The following CADM1 variants were observed in gnomAD, a reference collection of about 807,000 sequenced individuals.
CADM1 encodes cell adhesion molecule 1, also known as TSLC-1.
A neutral mutation model predicts 53.1 loss-of-function variants in CADM1; 15 were observed. The observed-to-expected ratio is 0.28, with a 90% CI of 0.19 to 0.44. The LOEUF (loss-of-function observed/expected upper bound fraction) is 0.44. Ranked by LOEUF, CADM1 falls within the 20% of genes least tolerant of loss-of-function variation. CADM1 has a pLI of 1.00. For synonymous variants in CADM1, 281 were observed against 243.0 expected (o/e 1.16, Z -1.45); for missense variants, 434 against 611.3 (o/e 0.71, Z 3.06).
intron 1 of CADM1, among the ~76,000 whole-genome samples, chr11:115,290,303 A>T (rs1023198213): frequency 3.9e-5 from 6 of 152,194 alleles, no homozygotes; most frequent in East Asian, 1.9e-4. Context: ...AGTTTTTTTT[A>T]AAAGCAGGGT....
At chr11:115,247,314 T>G (rs1942439649) in intron 1 of CADM1, among the ~76,000 whole-genome samples, 1 of 152,230 alleles carries the variant, frequency 6.6e-6, no homozygotes, top group Non-Finnish European at 1.5e-5. Flanking sequence ...ATTTTCCCAT[T>G]CATCCTAACA....
intron 1 of CADM1, among the ~76,000 whole-genome samples, chr11:115,255,074 G>A (rs750352769): frequency 4.6e-5 from 7 of 152,118 alleles, no homozygotes; most frequent in African/African-American, 1.4e-4. Flanking sequence ...GCAGAACTCA[G>A]GAGAAGGAAA....
chr11:115,362,227 TGC>T (rs1169928202), intron 1 of CADM1, among the ~76,000 whole-genome samples: 5 of 152,178 alleles, frequency 3.3e-5, no homozygotes, highest in Non-Finnish European at 5.9e-5. Flanking sequence ...GAGGCAGAAT[TGC>T]CTAAGAAGCA....
intron 1 of CADM1, among the ~76,000 whole-genome samples, chr11:115,302,070 C>T (rs533298572): frequency 6.6e-5 from 10 of 152,016 alleles, no homozygotes; most frequent in East Asian, 1.9e-4. Context: ...CACATTACCA[C>T]GGTGCCTAGT....
At chr11:115,254,823 A>G (rs1418907739) in intron 1 of CADM1, among the ~76,000 whole-genome samples, 4 of 152,232 alleles carry the variant, frequency 2.6e-5, no homozygotes, top group African/African-American at 9.6e-5. Flanking sequence ...AGGTCCAGAT[A>G]TTGAATGACA....
intron 1 of CADM1, among the ~76,000 whole-genome samples, chr11:115,432,036 T>C (rs1390286645): frequency 1.3e-5 from 2 of 151,956 alleles, no homozygotes; most frequent in African/African-American, 4.8e-5. Context: ...CCTCTGCCCC[T>C]CCTGAGTTTA....
intron 1 of CADM1, among the ~76,000 whole-genome samples, chr11:115,466,568 T>C (rs1019175063): frequency 1.3e-5 from 2 of 152,224 alleles, no homozygotes; most frequent in Non-Finnish European, 2.9e-5. Context: ...GACTTTCAAA[T>C]GTTTAGCACG....
intron 1 of CADM1, among the ~76,000 whole-genome samples, chr11:115,307,517 A>AAATATATAT (rs10673324): frequency 1.5e-4 from 21 of 144,256 alleles, no homozygotes; most frequent in Non-Finnish European, 2.9e-4. Flanking sequence ...GGAAAAAAAA[A>AAATATATAT]ATATATATAT....
intron 9 of CADM1, 77 bp downstream of exon 9, chr11:115,198,329 A>G (rs1738671402): frequency 9.3e-7 from 1 of 1,073,064 alleles, no homozygotes. Context: ...CTTGAAGACT[A>G]CATTTCTCTT....
Position 115,467,188 on chromosome 11 carries a change from T to C in CADM1, c.124+37083A>G, listed in dbSNP as rs930628290. Among the ~76,000 whole-genome samples the C allele has an allele frequency of 2.0e-5, 3 of 152,210 alleles. No homozygotes were observed. In the South Asian group the frequency reaches 6.2e-4, roughly 31 times the overall value. On this transcript the variant is annotated intron_variant, in intron 1 of 11. Coordinates refer to ENST00000331581, the MANE Select transcript of CADM1 (RefSeq NM_001301043.2). ...CATGATATGCACAAGACGTCTGTAGTGGAGGAGCAGTATTCTTCAACAATG... is the reference window on the plus strand; with the variant it reads ...CATGATATGCACAAGACGTCTGTAGCGGAGGAGCAGTATTCTTCAACAATG...
At chr11:115,344,832 C>T (rs1945536151) in intron 1 of CADM1, among the ~76,000 whole-genome samples, 1 of 152,186 alleles carries the variant, frequency 6.6e-6, no homozygotes, top group South Asian at 2.1e-4. Flanking sequence ...GGTCTCTCTC[C>T]TGCTCAGTCA....
chr11:115,434,161 C>T (rs1948124680), intron 1 of CADM1, among the ~76,000 whole-genome samples: 1 of 152,106 alleles, frequency 6.6e-6, no homozygotes, highest in African/African-American at 2.4e-5. Context: ...TATGACTTGC[C>T]ACATTTTTAA....
chr11:115,251,000 C>T lies in CADM1; in HGVS notation c.125-10580G>A, dbSNP rs564513790. 7.9e-5 allele frequency among the ~76,000 whole-genome samples: 12 copies of T among 152,302 alleles called. No homozygotes were observed. The South Asian group carries it at 2.5e-3, about 32-fold the overall frequency. On this transcript the variant is annotated intron_variant, in intron 1 of 11. Transcript: ENST00000331581. The stretch of plus-strand genomic sequence containing the variant: ...AATTTATAGTATCTCATTTTTATAA[C>T]TCAGGAACAAAACTAAAGTAACATT...
chr11:115,475,468 C>T (rs1949110687), intron 1 of CADM1, among the ~76,000 whole-genome samples: 2 of 152,112 alleles, frequency 1.3e-5, no homozygotes, highest in East Asian at 1.9e-4. Flanking sequence ...AAAACCTGCA[C>T]CCAGATACAT....
chr11:115,338,274 T>C (rs892849172), intron 1 of CADM1, among the ~76,000 whole-genome samples: 1 of 152,192 alleles, frequency 6.6e-6, no homozygotes, highest in Non-Finnish European at 1.5e-5. Flanking sequence ...TTAAATATCT[T>C]TTATAGACAA....
chr11:115,243,606 C>T (rs1055488572), intron 1 of CADM1, among the ~76,000 whole-genome samples: 3 of 152,204 alleles, frequency 2.0e-5, no homozygotes, highest in African/African-American at 7.2e-5. Flanking sequence ...GTACTCTTAA[C>T]TGCCTGAAGC....
At chr11:115,230,740 C>A (rs1006767568) in intron 4 of CADM1, among the ~76,000 whole-genome samples, 1 of 152,162 alleles carries the variant, frequency 6.6e-6, no homozygotes, top group Non-Finnish European at 1.5e-5. Flanking sequence ...TGCATAAGAA[C>A]AGACTGGTGA....
chr11:115,371,977 A>G (rs1443434830), intron 1 of CADM1, among the ~76,000 whole-genome samples: 1 of 152,222 alleles, frequency 6.6e-6, no homozygotes, highest in Non-Finnish European at 1.5e-5. Context: ...TTCATCTGAT[A>G]TCATCATACC....
chr11:115,224,831 A>G (rs1941543204), intron 5 of CADM1, among the ~76,000 whole-genome samples: 1 of 152,162 alleles, frequency 6.6e-6, no homozygotes, highest in South Asian at 2.1e-4. Context: ...ACAAGAGTAC[A>G]TTCCCTCAGA....
Sources: gnomAD v4.1 joint callset for allele counts (sites outside exome capture counted in the v4.1 genomes callset) on GRCh38, gnomAD v4.1.1 for gene constraint, MANE v1.5 for transcripts, NCBI Gene and HGNC (gene_info 2026-07-23, HGNC 2026-07-21) for gene names.